The following UPF1 variants were observed in gnomAD, a reference collection of about 807,000 sequenced individuals.
UPF1 encodes the protein regulator of nonsense transcripts 1.
UPF1 carries 9 observed loss-of-function variants against 129.2 expected under a neutral mutation model. That is an observed-to-expected ratio of 0.07 (90% CI 0.04 to 0.12). The LOEUF is 0.12. Ranked by LOEUF, UPF1 falls within the 10% of genes least tolerant of loss-of-function variation. UPF1 has a pLI of 1.00. For synonymous variants in UPF1, 649 were observed against 644.9 expected (o/e 1.01, Z -0.10); for missense variants, 788 against 1,525.3 (o/e 0.52, Z 8.05).
chr19:18,852,236 C>T lies in UPF1; in HGVS notation c.912C>T (p.Asn304=). ...ACGAGGACGCCTACCAGTACCAGAA[C>T]ATATTCGGGCCCCTGGTCAAGCTGG... ...LRYEDAYQYQ[N]IFGPLVKLEA... is the part of the protein sequence containing the mutation. The change falls in exon 6 of 24, where the codon AAC becomes AAT. Residue 304 remains asparagine (N), a synonymous_variant. Coordinates refer to ENST00000262803, the MANE Select transcript of UPF1 (RefSeq NM_002911.4). The T allele has an allele frequency of 1.2e-6, 2 of 1,613,776 alleles. No individual in the cohort carries two copies. Among genetic ancestry groups the T allele is most frequent in the Non-Finnish European group, 1.7e-6 (2 of 1,179,808 alleles).
In UPF1 at chr19:18,867,401, C is replaced by G. The variant is rs1407963835; in HGVS notation, c.*884C>G. 4 of 152,410 alleles carry G rather than the reference C, an allele frequency of 2.6e-5. No homozygotes were observed. Among genetic ancestry groups the G allele is most frequent in the Admixed American group, 2.0e-4 (3 of 15,314 alleles). 9.4% of individuals were successfully genotyped at this position (152,410 alleles called of 1,614,324 possible). A position where few individuals can be genotyped will look rare whatever the true frequency, so the allele number is the denominator to read the frequency against. On this transcript the variant is annotated 3_prime_UTR_variant, in exon 24 of 24. Coordinates refer to ENST00000262803, the MANE Select transcript of UPF1 (RefSeq NM_002911.4). The stretch of plus-strand genomic sequence containing the variant: ...GGGCCCCGCACCGGTGAGGAAGGTG[C>G]TTTTGGCCCCATTGCGAGGGGCCTT...
chr19:18,851,127 G>A lies in UPF1; in HGVS notation c.810+259G>A, dbSNP rs1268516059. On this transcript the variant is annotated intron_variant, in intron 5 of 23. Transcript: ENST00000262803. This position sits in a 1 kb window ranked among gnomAD's most constrained non-coding sequence, Gnocchi z 4.2. ...CTGCTGGAATTTTTCTTGTCTTGCCGGGGTGAGGATGGGTGGTGGGAGGGG... is the reference window on the plus strand; with the variant it reads ...CTGCTGGAATTTTTCTTGTCTTGCCAGGGTGAGGATGGGTGGTGGGAGGGG... 5 of 375,980 alleles carry A rather than the reference G, an allele frequency of 1.3e-5. No individual in the cohort carries two copies. The highest frequency in any genetic ancestry group is 4.8e-5 in the East Asian group (1 of 20,624). 23.3% of individuals were successfully genotyped at this position (375,980 alleles called of 1,614,324 possible).
At chr19:18,849,085 G>A (rs1051554169) in intron 3 of UPF1, 6 of 152,372 alleles carry the variant, frequency 3.9e-5, no homozygotes, top group African/African-American at 1.2e-4. Context: ...GGGTGAGGAT[G>A]CATGAGAAGA....
In UPF1 at chr19:18,851,727, T is replaced by C. The variant is rs530824268; in HGVS notation, c.811-408T>C. ...GACACAGCGAGAGAAACCGGTGGTC[T>C]TTGTGGCAGCCTGCGAGGCGGGTTA... On this transcript the variant is annotated intron_variant, in intron 5 of 23. Coordinates refer to ENST00000262803, the MANE Select transcript of UPF1 (RefSeq NM_002911.4). This position sits in a 1 kb window ranked among gnomAD's most constrained non-coding sequence, Gnocchi z 4.2. Among the ~76,000 whole-genome samples, 168 of 152,240 alleles carry C rather than the reference T, an allele frequency of 1.1e-3. No individual in the cohort carries two copies. Among genetic ancestry groups the C allele is most frequent in the African/African-American group, 3.9e-3 (160 of 41,558 alleles).
chr19:18,853,019 G>T lies in UPF1; in HGVS notation c.1005G>T (p.Leu335=). Residue 335 remains leucine, a synonymous_variant, in exon 7 of 24, where the codon CTG becomes CTT. Coordinates refer to ENST00000262803, the MANE Select transcript of UPF1 (RefSeq NM_002911.4). The surrounding 1 kb of genome is among the most constrained non-coding windows in gnomAD (Gnocchi z 4.4). ...TQDNITVRWD[L]GLNKKRIAYF... ...ATAACATCACTGTCAGGTGGGACCTGGGCCTTAACAAGAAGAGAATCGCCT... is the reference window on the plus strand; with the variant it reads ...ATAACATCACTGTCAGGTGGGACCTTGGCCTTAACAAGAAGAGAATCGCCT... 6.2e-7 allele frequency: 1 copy of T among 1,614,118 alleles called. No homozygotes were observed. The highest frequency in any genetic ancestry group is 8.5e-7 in the Non-Finnish European group (1 of 1,180,024).
At chr19:18,839,048 C>T (rs2055513206) in intron 1 of UPF1, among the ~76,000 whole-genome samples, 1 of 152,162 alleles carries the variant, frequency 6.6e-6, no homozygotes, top group Non-Finnish European at 1.5e-5. Context: ...GCTACCACCA[C>T]ATTTCTCTCA....
At chr19:18,838,552 G>A (rs187523292) in intron 1 of UPF1, among the ~76,000 whole-genome samples, 1 of 152,324 alleles carries the variant, frequency 6.6e-6, no homozygotes, top group East Asian at 1.9e-4. Flanking sequence ...GGAGGCTGAG[G>A]CAGGAGAATC....
intron 3 of UPF1, chr19:18,848,401 A>T (rs556327602): frequency 1.9e-5 from 3 of 154,932 alleles, no homozygotes; most frequent in African/African-American, 7.2e-5. Context: ...GGGGAGTTCG[A>T]TGGTCTTGCC....
chr19:18,856,373 C>T, intron 13 of UPF1, 73 bp downstream of exon 13: 3 of 1,395,266 alleles, frequency 2.2e-6, no homozygotes, highest in Non-Finnish European at 3.0e-6. Context: ...GCCAAAGCAC[C>T]TATTTGAATT....
At chr19:18,858,312 A>T (rs895046575) in intron 15 of UPF1, among the ~76,000 whole-genome samples, 1 of 152,314 alleles carries the variant, frequency 6.6e-6, no homozygotes, top group African/African-American at 2.4e-5. Context: ...GGAAAACTTA[A>T]CGTCGCTTGC....
At chr19:18,863,665 C>A in intron 19 of UPF1, 53 bp downstream of exon 19, 1 of 1,565,152 alleles carries the variant, frequency 6.4e-7, no homozygotes, top group Non-Finnish European at 8.7e-7. Flanking sequence ...GGGCCCAAAA[C>A]ACTGCTGGGA....
At chr19:18,846,948 C>A (rs187567221) in intron 2 of UPF1, among the ~76,000 whole-genome samples, 1 of 152,178 alleles carries the variant, frequency 6.6e-6, no homozygotes, top group Admixed American at 6.5e-5. Context: ...GAGCCGAGAT[C>A]GCACCACTGC....
chr19:18,864,548 AT>A (rs966778927), intron 20 of UPF1, among the ~76,000 whole-genome samples: 18 of 149,898 alleles, frequency 1.2e-4, no homozygotes, highest in African/African-American at 3.4e-4. Context: ...CATAAAAAGG[AT>A]TTTTTTTTTC....
Position 18,852,185 on chromosome 19 carries a change from G to A in UPF1, c.861G>A (p.Glu287=). Residue 287 remains glutamate, a synonymous_variant, in exon 6 of 24, where the codon GAG becomes GAA. Transcript: ENST00000262803. ...LEDLEKPGVD[E]EPQHVLLRYE... Reference sequence around the variant, plus strand: ...ACCTGGAGAAGCCGGGGGTGGACGAGGAGCCGCAGCATGTCCTCCTGCGGT... The same window carrying A: ...ACCTGGAGAAGCCGGGGGTGGACGAAGAGCCGCAGCATGTCCTCCTGCGGT... 1 of 1,613,342 alleles carries A rather than the reference G, an allele frequency of 6.2e-7. No individual in the cohort carries two copies. The highest frequency in any genetic ancestry group is 8.5e-7 in the Non-Finnish European group (1 of 1,179,508).
chr19:18,845,383 A>AGCCAT (rs1601103239), intron 1 of UPF1, among the ~76,000 whole-genome samples: 1 of 152,094 alleles, frequency 6.6e-6, no homozygotes, highest in Admixed American at 6.5e-5. Context: ...GATGACTTAG[A>AGCCAT]GCCATGCGCT....
At position 18,862,034 on chromosome 19, in the gene UPF1, G is replaced by A; in HGVS notation, c.2482G>A (p.Ala828Thr). 1 of 1,613,998 alleles carries A rather than the reference G, an allele frequency of 6.2e-7. No individual in the cohort carries two copies. The highest frequency in any genetic ancestry group is 8.5e-7 in the Non-Finnish European group (1 of 1,180,018). Residue 828 changes from alanine to threonine, a missense_variant, in exon 18 of 24, where the codon GCC (alanine) becomes ACC (threonine). Physicochemically the swap from Ala to Thr is moderately conservative, Grantham distance 58. This residue lies in a region of UPF1 where 140 missense variants were observed against 385.9 expected (regional missense o/e 0.36). Coordinates refer to ENST00000262803, the MANE Select transcript of UPF1 (RefSeq NM_002911.4). ...GGAGGTGGAGATCGCCAGTGTGGAC[G>A]CCTTTCAGGGACGCGAGAAGGACTT... ...YQEVEIASVD[A>T]FQGREKDFII... is the part of the protein sequence containing the mutation.
chr19:18,836,414 CATA>C (rs1297278273), intron 1 of UPF1, among the ~76,000 whole-genome samples: 2 of 152,240 alleles, frequency 1.3e-5, no homozygotes, highest in South Asian at 2.1e-4. Flanking sequence ...GGATGTGTCT[CATA>C]ATAATTACTT....
rs141708625 is a variant in UPF1 at position 18,860,321 on chromosome 19, C to T, written c.2183C>T (p.Ala728Val). The T allele has an allele frequency of 2.0e-5, 33 of 1,613,352 alleles. No individual in the cohort carries two copies. Among genetic ancestry groups the T allele is most frequent in the Non-Finnish European group, 2.3e-5 (27 of 1,179,376 alleles). Residue 728 changes from alanine (A) to valine (V), a missense_variant and splice_region_variant, in exon 16 of 24, where the codon GCG becomes GTG. This residue lies in a region of UPF1 where 140 missense variants were observed against 385.9 expected (regional missense o/e 0.36). Transcript: ENST00000262803. ...EGSLQNGVTA[A>V]DRVKKGFDFQ... The stretch of plus-strand genomic sequence containing the variant: ...GTTACTTCTTTCCCTCCCCTCACAG[C>T]GGATCGTGTGAAGAAGGGATTTGAC...
Position 18,850,391 on chromosome 19 carries a change from C to G in UPF1, c.629+149C>G. 5 of 1,177,924 alleles carry G rather than the reference C, an allele frequency of 4.2e-6. No homozygotes were observed. The highest frequency in any genetic ancestry group is 5.8e-6 in the Non-Finnish European group (5 of 862,112). The allele number at this position is 1,177,924 out of a possible 1,614,324, so 73.0% of individuals were successfully genotyped here. A position where few individuals can be genotyped will look rare whatever the true frequency, so the allele number is the denominator to read the frequency against. On this transcript the variant is annotated intron_variant, in intron 4 of 23. Transcript: ENST00000262803. This position sits in a 1 kb window ranked among gnomAD's most constrained non-coding sequence, Gnocchi z 7.1. ...TTTGCTGAAGGGTGAGGCATGAGAG[C>G]GTTTAGGCGCTGAGGCTTGTTAAGG... is the stretch of plus-strand genomic sequence containing the variant.
Sources: allele counts gnomAD v4.1 joint callset (sites outside exome capture counted in the v4.1 genomes callset), GRCh38; gene constraint gnomAD v4.1.1; regional missense constraint gnomAD v4.1.1; non-coding constraint Gnocchi (gnomAD v3.1); transcripts MANE v1.5; gene names NCBI Gene and HGNC (gene_info 2026-07-23, HGNC 2026-07-21).